The following CTNND2 variants were observed in gnomAD, a reference collection of about 807,000 sequenced individuals.
The protein encoded by CTNND2 is catenin delta 2, also known as catenin delta-2.
CTNND2 carries 22 observed loss-of-function variants against 144.4 expected under a neutral mutation model. That is an observed-to-expected ratio of 0.15 (90% CI 0.11 to 0.22). CTNND2 has a LOEUF of 0.22. CTNND2 is among the 10% of genes least tolerant of loss of function. CTNND2 has a pLI of 1.00. For synonymous variants in CTNND2, 751 were observed against 695.6 expected (o/e 1.08, Z -1.25); for missense variants, 1,353 against 1,618.8 (o/e 0.84, Z 2.82).
At chr5:11,316,663 C>CCCTT (rs1481528520) in intron 9 of CTNND2, among the ~76,000 whole-genome samples, 1 of 149,180 alleles carries the variant, frequency 6.7e-6, no homozygotes, top group African/African-American at 2.5e-5. Context: ...CACAACAGTC[C>CCCTT]CCGGAGTGTG....
intron 2 of CTNND2, among the ~76,000 whole-genome samples, chr5:11,650,375 A>G (rs115345782): frequency 0.01 from 1,575 of 152,230 alleles, 11 homozygotes; most frequent in East Asian, 0.05. Flanking sequence ...TTCTTTATAC[A>G]TTACACAATC....
chr5:11,207,459 C>T (rs184225434), intron 10 of CTNND2, among the ~76,000 whole-genome samples: 1 of 151,674 alleles, frequency 6.6e-6, no homozygotes, highest in African/African-American at 2.4e-5. Flanking sequence ...ATAGTTAGTA[C>T]CATACCCTAA....
At chr5:11,643,801 T>C (rs1416562911) in intron 2 of CTNND2, among the ~76,000 whole-genome samples, 4 of 151,300 alleles carry the variant, frequency 2.6e-5, no homozygotes, top group Non-Finnish European at 4.4e-5. Flanking sequence ...TAAAAAATGT[T>C]ACATCATTAC....
At position 11,227,869 on chromosome 5, in the gene CTNND2, ATGAGTTCTAAG is replaced by A. The variant is rs543964196; in HGVS notation, c.1761+8811_1761+8821del. Among the ~76,000 whole-genome samples the A allele has an allele frequency of 9.1e-4, 139 of 152,310 alleles. 1 individual carries two copies. The highest frequency in any genetic ancestry group is 1.0e-3 in the South Asian group (5 of 4,818). The stretch of plus-strand genomic sequence containing the variant: ...CAACTGCAAATATGAGCTGTCTTCC[ATGAGTTCTAAG>A]TGGGTATGCCTTAGGTTATATTTTT... On this transcript the variant is annotated intron_variant, in intron 10 of 21. Coordinates refer to ENST00000304623, the MANE Select transcript of CTNND2 (RefSeq NM_001332.4).
Position 11,383,468 on chromosome 5 carries a change from C to T in CTNND2, c.1177+1197G>A, listed in dbSNP as rs183449231. Among the ~76,000 whole-genome samples the T allele has an allele frequency of 3.3e-5, 5 of 152,254 alleles. No individual in the cohort carries two copies. In the East Asian group the frequency reaches 9.6e-4, roughly 29 times the overall value. On this transcript the variant is annotated intron_variant, in intron 7 of 21. Transcript: ENST00000304623. ...TGGGTTGGCACTAATAATTGTCTAC[C>T]TCAAAAATTCTATTTGAGAGAGAGG...
chr5:11,110,579 G>A (rs953209996), intron 14 of CTNND2, among the ~76,000 whole-genome samples: 7 of 152,204 alleles, frequency 4.6e-5, no homozygotes, highest in Non-Finnish European at 1.0e-4. Flanking sequence ...TTAACACAGC[G>A]CCTGCTCAGA....
At chr5:11,400,831 C>G (rs1161821379) in intron 5 of CTNND2, among the ~76,000 whole-genome samples, 1 of 152,218 alleles carries the variant, frequency 6.6e-6, no homozygotes, top group African/African-American at 2.4e-5. Flanking sequence ...AAATTGGCAG[C>G]CAGTGTCACA....
chr5:11,760,158 T>A (rs145329422), intron 1 of CTNND2, among the ~76,000 whole-genome samples: 342 of 152,154 alleles, frequency 2.2e-3, no homozygotes, highest in African/African-American at 7.8e-3. Flanking sequence ...ATTTTGGTTA[T>A]GAAGAAGGAA....
chr5:11,606,412 G>C (rs1780045269), intron 2 of CTNND2, among the ~76,000 whole-genome samples: 1 of 152,172 alleles, frequency 6.6e-6, no homozygotes, highest in Non-Finnish European at 1.5e-5. Flanking sequence ...CACAGCAGTG[G>C]AAAGTATCAG....
At chr5:11,355,839 T>C (rs966177328) in intron 8 of CTNND2, among the ~76,000 whole-genome samples, 9 of 152,076 alleles carry the variant, frequency 5.9e-5, no homozygotes, top group African/African-American at 1.4e-4. Flanking sequence ...AATTCAATAA[T>C]ACTGCAGGAC....
At chr5:11,683,135 T>C (rs758800973) in intron 2 of CTNND2, among the ~76,000 whole-genome samples, 4 of 152,220 alleles carry the variant, frequency 2.6e-5, no homozygotes, top group Non-Finnish European at 4.4e-5. Context: ...CTGGGGTTTA[T>C]CCATCTAACT....
At chr5:11,626,053 T>C (rs1394791719) in intron 2 of CTNND2, among the ~76,000 whole-genome samples, 3 of 152,132 alleles carry the variant, frequency 2.0e-5, no homozygotes, top group East Asian at 3.9e-4. Context: ...AAAGACTGAA[T>C]ATAAAATAGT....
At chr5:11,412,447 A>G (rs1204733348) in intron 3 of CTNND2, among the ~76,000 whole-genome samples, 1 of 152,178 alleles carries the variant, frequency 6.6e-6, no homozygotes, top group East Asian at 1.9e-4. Flanking sequence ...TAATAAGGAA[A>G]TAACTATCCC....
At chr5:11,529,774 T>C (rs1212900662) in intron 3 of CTNND2, among the ~76,000 whole-genome samples, 1 of 152,146 alleles carries the variant, frequency 6.6e-6, no homozygotes, top group African/African-American at 2.4e-5. Context: ...AAGAGATTAA[T>C]GGTATTTTCA....
intron 1 of CTNND2, among the ~76,000 whole-genome samples, chr5:11,757,900 G>C (rs1789040423): frequency 6.6e-6 from 1 of 151,874 alleles, no homozygotes; most frequent in African/African-American, 2.4e-5. Flanking sequence ...TTCACAAATG[G>C]AGAAAGATGA....
chr5:11,874,368 T>TAC (rs1735393563), intron 1 of CTNND2, among the ~76,000 whole-genome samples: 1 of 152,188 alleles, frequency 6.6e-6, no homozygotes, highest in South Asian at 2.1e-4. Flanking sequence ...GGTTTTTTCC[T>TAC]ACACACACAT....
chr5:11,760,357 G>C (rs1379404914), intron 1 of CTNND2, among the ~76,000 whole-genome samples: 1 of 152,060 alleles, frequency 6.6e-6, no homozygotes, highest in African/African-American at 2.4e-5. Flanking sequence ...CTCTGGTTAA[G>C]GGGCCTATTA....
At chr5:11,615,275 T>A (rs1780526339) in intron 2 of CTNND2, among the ~76,000 whole-genome samples, 1 of 152,202 alleles carries the variant, frequency 6.6e-6, no homozygotes, top group Non-Finnish European at 1.5e-5. Context: ...AATGGCCTAA[T>A]AACTGAAACC....
intron 9 of CTNND2, among the ~76,000 whole-genome samples, chr5:11,301,432 G>A (rs1749595485): frequency 6.6e-6 from 1 of 152,128 alleles, no homozygotes; most frequent in African/African-American, 2.4e-5. Context: ...GTGTGTGTGT[G>A]ATTCCAACAC....
Sources: gnomAD v4.1 joint callset for allele counts (sites outside exome capture counted in the v4.1 genomes callset) on GRCh38, gnomAD v4.1.1 for gene constraint, MANE v1.5 for transcripts, NCBI Gene and HGNC (gene_info 2026-07-23, HGNC 2026-07-21) for gene names.